The following FHIT variants were observed in gnomAD, a reference collection of about 807,000 sequenced individuals.
FHIT encodes the protein bis(5'-adenosyl)-triphosphatase.
FHIT carries 19 observed loss-of-function variants against 17.9 expected under a neutral mutation model. The observed-to-expected ratio is 1.06, with a 90% CI of 0.74 to 1.56. The LOEUF (loss-of-function observed/expected upper bound fraction) is 1.56, where lower values mean the gene tolerates loss of function less well. Among genes scored for constraint, FHIT ranks in the 40% most tolerant of loss-of-function variants. The probability of loss-of-function intolerance (pLI) is 0.00; values close to 1 mark genes in which losing one functional copy is unlikely to be tolerated. For missense variants in FHIT, 248 were observed against 189.2 expected (o/e 1.31, Z -1.82); for synonymous variants, 81 against 69.7 (o/e 1.16, Z -0.81).
At chr3:60,526,803 G>A (rs549800348) in intron 5 of FHIT, among the ~76,000 whole-genome samples, 5 of 152,220 alleles carry the variant, frequency 3.3e-5, no homozygotes, top group South Asian at 2.1e-4. Context: ...CTACAGCTTC[G>A]TAGCATCAAG....
chr3:60,273,915 T>C (rs183039486), intron 5 of FHIT, among the ~76,000 whole-genome samples: 14 of 152,340 alleles, frequency 9.2e-5, no homozygotes, highest in Non-Finnish European at 1.8e-4. Context: ...TATCTCATCT[T>C]TGTGTAGATT....
chr3:60,406,745 T>C (rs972015295), intron 5 of FHIT, among the ~76,000 whole-genome samples: 8 of 152,148 alleles, frequency 5.3e-5, no homozygotes, highest in African/African-American at 1.7e-4. Flanking sequence ...AACCATTCCA[T>C]GAATTTTTGG....
intron 4 of FHIT, among the ~76,000 whole-genome samples, chr3:60,727,333 A>G (rs1332729566): frequency 1.3e-5 from 2 of 152,216 alleles, no homozygotes. Flanking sequence ...GCTCCAGAGA[A>G]TTCAGTGTAT....
chr3:60,604,395 G>T (rs1334664623), intron 4 of FHIT, among the ~76,000 whole-genome samples: 2 of 152,108 alleles, frequency 1.3e-5, no homozygotes, highest in Non-Finnish European at 2.9e-5. Flanking sequence ...TGCTAACAAA[G>T]AAATCAGTAA....
chr3:59,957,194 T>A (rs577747919), intron 7 of FHIT, among the ~76,000 whole-genome samples: 8 of 152,322 alleles, frequency 5.3e-5, no homozygotes, highest in African/African-American at 1.4e-4. Context: ...GAAAGTAAGT[T>A]AAAGTGAGAC....
intron 5 of FHIT, among the ~76,000 whole-genome samples, chr3:60,137,418 T>C (rs1335178475): frequency 6.6e-6 from 1 of 152,160 alleles, no homozygotes; most frequent in Non-Finnish European, 1.5e-5. Flanking sequence ...TAAGCAAAAC[T>C]TTAGAAAACT....
At chr3:59,947,979 T>C (rs992091260) in intron 7 of FHIT, among the ~76,000 whole-genome samples, 1 of 152,198 alleles carries the variant, frequency 6.6e-6, no homozygotes, top group Admixed American at 6.5e-5. Flanking sequence ...TATTAATAGT[T>C]TGTTCCTTTT....
chr3:59,933,397 A>G (rs1268524813), intron 7 of FHIT, among the ~76,000 whole-genome samples: 1 of 152,154 alleles, frequency 6.6e-6, no homozygotes, highest in African/African-American at 2.4e-5. Flanking sequence ...TAAGAATATT[A>G]TATGTTGGAA....
chr3:60,982,711 A>T (rs1710548225), intron 3 of FHIT, among the ~76,000 whole-genome samples: 1 of 152,142 alleles, frequency 6.6e-6, no homozygotes, highest in South Asian at 2.1e-4. Flanking sequence ...TCCTGTGATA[A>T]ACTGCCATTA....
At chr3:60,242,136 A>T (rs1705161003) in intron 5 of FHIT, among the ~76,000 whole-genome samples, 1 of 152,108 alleles carries the variant, frequency 6.6e-6, no homozygotes, top group African/African-American at 2.4e-5. Flanking sequence ...TTCACGTTTT[A>T]TTTCTTCCCA....
At chr3:61,067,920 G>C (rs1287383352) in intron 2 of FHIT, among the ~76,000 whole-genome samples, 1 of 152,148 alleles carries the variant, frequency 6.6e-6, no homozygotes, top group East Asian at 1.9e-4. Flanking sequence ...GTTCTGGGCA[G>C]CTATATTCCT....
At chr3:60,768,975 A>G in intron 4 of FHIT, among the ~76,000 whole-genome samples, 1 of 152,366 alleles carries the variant, frequency 6.6e-6, no homozygotes, top group East Asian at 1.9e-4. Context: ...ACATATACTC[A>G]ATAAGAATTA....
chr3:60,631,276 T>C (rs2039434804), intron 4 of FHIT, among the ~76,000 whole-genome samples: 3 of 152,162 alleles, frequency 2.0e-5, no homozygotes, highest in African/African-American at 7.2e-5. Flanking sequence ...TGTACTAGGC[T>C]GGGGAAGCCA....
intron 4 of FHIT, among the ~76,000 whole-genome samples, chr3:60,669,159 T>A (rs933366951): frequency 1.1e-4 from 17 of 152,234 alleles, no homozygotes; most frequent in Non-Finnish European, 2.1e-4. Flanking sequence ...TACTTATACA[T>A]GAATGAATGT....
chr3:60,476,962 G>A lies in FHIT; in HGVS notation c.103+59898C>T, dbSNP rs1011965758. Reference sequence around the variant, plus strand: ...GTAAAGCTCAACATTACCATAAACAGAACAAACTATATATATATATATGTA... The same window carrying A: ...GTAAAGCTCAACATTACCATAAACAAAACAAACTATATATATATATATGTA... On this transcript the variant is annotated intron_variant, in intron 5 of 9. Coordinates refer to ENST00000492590, the MANE Select transcript of FHIT (RefSeq NM_002012.4). Among the ~76,000 whole-genome samples the A allele has an allele frequency of 2.0e-4, 30 of 150,446 alleles. 2 individuals carry two copies. The highest frequency in any genetic ancestry group is 1.9e-3 in the Admixed American group (29 of 15,140).
At chr3:60,475,943 G>T (rs982298310) in intron 5 of FHIT, among the ~76,000 whole-genome samples, 2 of 152,190 alleles carry the variant, frequency 1.3e-5, no homozygotes, top group African/African-American at 4.8e-5. Context: ...ATGCCACAAA[G>T]TATTGTGTAT....
intron 4 of FHIT, among the ~76,000 whole-genome samples, chr3:60,590,453 G>GTAT (rs1487819145): frequency 1.3e-5 from 2 of 152,040 alleles, no homozygotes; most frequent in African/African-American, 4.8e-5. Flanking sequence ...TGTTATTGAT[G>GTAT]TATTGTTTAT....
intron 4 of FHIT, among the ~76,000 whole-genome samples, chr3:60,752,781 C>A (rs1553717212): frequency 6.6e-6 from 1 of 152,052 alleles, no homozygotes; most frequent in Non-Finnish European, 1.5e-5. Context: ...AATTCTATCA[C>A]CCAGAAGAAG....
chr3:60,497,175 T>G (rs1362099279), intron 5 of FHIT, among the ~76,000 whole-genome samples: 1 of 151,952 alleles, frequency 6.6e-6, no homozygotes, highest in African/African-American at 2.4e-5. Context: ...ACACTTACAG[T>G]GCACAGGACA....
Sources: allele counts gnomAD v4.1 joint callset (sites outside exome capture counted in the v4.1 genomes callset), GRCh38; gene constraint gnomAD v4.1.1; transcripts MANE v1.5; gene names NCBI Gene and HGNC (gene_info 2026-07-23, HGNC 2026-07-21).